SNX29: variants seen among roughly 807,000 people sequenced by gnomAD.
The protein encoded by SNX29 is sorting nexin 29, also known as sorting nexin-29.
A neutral mutation model predicts 102.1 loss-of-function variants in SNX29; 78 were observed. The observed-to-expected ratio is 0.76, with a 90% CI of 0.64 to 0.92. The LOEUF is 0.92. SNX29 is among the 40% of genes least tolerant of loss of function. SNX29 has a pLI of 0.00. For synonymous variants in SNX29, 580 were observed against 414.5 expected, an observed-to-expected ratio of 1.40 and a Z score of -4.85; for missense variants, 1,280 against 1,061.7, an observed-to-expected ratio of 1.21 and a Z score of -2.86.
intron 19 of SNX29, among the ~76,000 whole-genome samples, chr16:12,515,117 A>T (rs919655346): frequency 1.3e-5 from 2 of 152,148 alleles, no homozygotes; most frequent in Admixed American, 1.3e-4. Context: ...ATTATGTCAC[A>T]TAGTCCTGTG....
At chr16:12,371,967 T>C (rs976668062) in intron 16 of SNX29, among the ~76,000 whole-genome samples, 1 of 152,130 alleles carries the variant, frequency 6.6e-6, no homozygotes, top group African/African-American at 2.4e-5. Flanking sequence ...GGTTTAACAT[T>C]TTTTCTAAGT....
At chr16:12,545,406 G>A (rs2301217) in intron 20 of SNX29, 17,767 of 152,172 alleles carry the variant, frequency 0.12, 1,343 homozygotes, top group Non-Finnish European at 0.16. Flanking sequence ...CTTCCTAACC[G>A]GGTCCTGCCT....
chr16:12,160,232 T>C (rs1407557144), intron 13 of SNX29, among the ~76,000 whole-genome samples: 2 of 152,196 alleles, frequency 1.3e-5, no homozygotes, highest in Non-Finnish European at 2.9e-5. Context: ...CCACTCCACT[T>C]TCTGACTGTA....
intron 15 of SNX29, among the ~76,000 whole-genome samples, chr16:12,313,594 G>A (rs562220295): frequency 6.6e-6 from 1 of 152,246 alleles, no homozygotes; most frequent in African/African-American, 2.4e-5. Context: ...TTGCAGCATC[G>A]TCCCAGCTCT....
chr16:12,187,421 G>A (rs763261410), intron 13 of SNX29, among the ~76,000 whole-genome samples: 1 of 152,070 alleles, frequency 6.6e-6, no homozygotes, highest in Non-Finnish European at 1.5e-5. Flanking sequence ...GGGTGTGCAC[G>A]CCTGTAATCC....
intron 18 of SNX29, among the ~76,000 whole-genome samples, chr16:12,458,630 G>A (rs2086637010): frequency 6.6e-6 from 1 of 152,186 alleles, no homozygotes; most frequent in Non-Finnish European, 1.5e-5. Context: ...TCCCAGTCAC[G>A]GCGAAGGATA....
chr16:12,298,511 A>G (rs912587446), intron 15 of SNX29, among the ~76,000 whole-genome samples: 1 of 152,240 alleles, frequency 6.6e-6, no homozygotes, highest in African/African-American at 2.4e-5. Flanking sequence ...CTCATCTGTA[A>G]AATGGGAATG....
At chr16:12,300,765 A>G (rs1308767604) in intron 15 of SNX29, among the ~76,000 whole-genome samples, 2 of 152,078 alleles carry the variant, frequency 1.3e-5, no homozygotes, top group Non-Finnish European at 2.9e-5. Flanking sequence ...CCTTGATGAC[A>G]TTTTGGACTG....
At chr16:12,546,081 G>A (rs184672231) in intron 20 of SNX29, among the ~76,000 whole-genome samples, 2 of 152,164 alleles carry the variant, frequency 1.3e-5, no homozygotes, top group Non-Finnish European at 2.9e-5. Flanking sequence ...TGAGTCCCCA[G>A]TCTCTCACTT....
intron 1 of SNX29, 65 bp from the exon 2 acceptor site, chr16:11,999,232 G>T: frequency 6.8e-7 from 1 of 1,462,198 alleles, no homozygotes; most frequent in South Asian, 1.2e-5. Flanking sequence ...GGAAAGGACT[G>T]ATCTAGTTGG....
At chr16:12,554,851 G>A (rs567858306) in intron 20 of SNX29, among the ~76,000 whole-genome samples, 3 of 152,312 alleles carry the variant, frequency 2.0e-5, no homozygotes, top group African/African-American at 4.8e-5. Context: ...AGGTGCCAGG[G>A]TGCTCAGGAA....
At chr16:12,465,766 T>C (rs763148559) in intron 18 of SNX29, among the ~76,000 whole-genome samples, 4 of 152,212 alleles carry the variant, frequency 2.6e-5, no homozygotes, top group Non-Finnish European at 4.4e-5. Context: ...GAGATTACAT[T>C]ATGTAGTATG....
At chr16:12,022,303 C>T (rs867122645) in intron 3 of SNX29, among the ~76,000 whole-genome samples, 7 of 151,514 alleles carry the variant, frequency 4.6e-5, no homozygotes, top group South Asian at 2.1e-4. Context: ...CGGGTTCAAG[C>T]GATTCTCCAG....
intron 11 of SNX29, among the ~76,000 whole-genome samples, chr16:12,104,644 C>G (rs1487630690): frequency 2.0e-5 from 3 of 151,790 alleles, no homozygotes; most frequent in Admixed American, 6.6e-5. Context: ...CTCCAGATCT[C>G]CAGGATCATT....
chr16:12,485,764 A>G (rs1256081868), intron 19 of SNX29, among the ~76,000 whole-genome samples: 2 of 152,206 alleles, frequency 1.3e-5, no homozygotes, highest in Non-Finnish European at 2.9e-5. Context: ...GGAGGATGAC[A>G]TGTAAATGAG....
chr16:12,211,629 A>G (rs905622302), intron 14 of SNX29, among the ~76,000 whole-genome samples: 1 of 152,132 alleles, frequency 6.6e-6, no homozygotes, highest in African/African-American at 2.4e-5. Flanking sequence ...GACCCATGTT[A>G]TGGTGGCATC....
chr16:11,997,561 A>G, intron 1 of SNX29, among the ~76,000 whole-genome samples: 1 of 150,924 alleles, frequency 6.6e-6, no homozygotes, highest in Non-Finnish European at 1.5e-5. Flanking sequence ...CACTGCAGCC[A>G]TTGCCTCCTG....
intron 20 of SNX29, among the ~76,000 whole-genome samples, chr16:12,554,443 C>T (rs1009195871): frequency 6.6e-6 from 1 of 152,228 alleles, no homozygotes; most frequent in Non-Finnish European, 1.5e-5. Context: ...TTTCCGCACA[C>T]CTGCCATGCC....
At chr16:12,339,835 C>T (rs1374933590) in intron 15 of SNX29, among the ~76,000 whole-genome samples, 1 of 152,176 alleles carries the variant, frequency 6.6e-6, no homozygotes, top group Non-Finnish European at 1.5e-5. Flanking sequence ...GAACCAGTCA[C>T]TGTGGCTAAA....
Sources: allele counts gnomAD v4.1 joint callset (sites outside exome capture counted in the v4.1 genomes callset), GRCh38; gene constraint gnomAD v4.1.1; transcripts MANE v1.5; gene names NCBI Gene and HGNC (gene_info 2026-07-23, HGNC 2026-07-21).